The following NRG3 variants were observed in gnomAD, a reference collection of about 807,000 sequenced individuals.
NRG3 encodes neuregulin 3.
A neutral mutation model predicts 66.9 loss-of-function variants in NRG3; 31 were observed. The observed-to-expected ratio is 0.46, with a 90% CI of 0.35 to 0.63. NRG3 has a LOEUF of 0.63. NRG3 is among the 20% of genes least tolerant of loss of function. NRG3 has a pLI of 0.00. For missense variants in NRG3, 910 were observed against 878.9 expected, an observed-to-expected ratio of 1.04 and a Z score of -0.45; for synonymous variants, 393 against 359.4, an observed-to-expected ratio of 1.09 and a Z score of -1.06.
At chr10:82,242,989 C>T (rs1166075529) in intron 1 of NRG3, among the ~76,000 whole-genome samples, 1 of 152,194 alleles carries the variant, frequency 6.6e-6, no homozygotes, top group Non-Finnish European at 1.5e-5. Context: ...TCAGGTTGAA[C>T]CTACTTGATC....
chr10:82,631,026 C>T (rs1033759770), intron 2 of NRG3, among the ~76,000 whole-genome samples: 1 of 152,144 alleles, frequency 6.6e-6, no homozygotes, highest in Admixed American at 6.5e-5. Flanking sequence ...TTCAGATGAG[C>T]AAAAACAGTG....
intron 1 of NRG3, among the ~76,000 whole-genome samples, chr10:81,978,441 T>C (rs2060205778): frequency 6.6e-6 from 1 of 152,206 alleles, no homozygotes. Flanking sequence ...ACAGCTTCTT[T>C]GCTTCAAGAT....
chr10:82,711,364 TGC>T (rs1565228139), intron 2 of NRG3, among the ~76,000 whole-genome samples: 1 of 152,080 alleles, frequency 6.6e-6, no homozygotes, highest in Non-Finnish European at 1.5e-5. Context: ...TGGGAGTACA[TGC>T]ATGAGCCACT....
chr10:82,173,920 A>T (rs780720024), intron 1 of NRG3, among the ~76,000 whole-genome samples: 1 of 152,194 alleles, frequency 6.6e-6, no homozygotes, highest in East Asian at 1.9e-4. Context: ...AAGACTCTTC[A>T]TTGACTCCTC....
chr10:82,524,352 A>G (rs764078443), intron 2 of NRG3, among the ~76,000 whole-genome samples: 22 of 152,016 alleles, frequency 1.4e-4, no homozygotes, highest in Non-Finnish European at 2.9e-4. Flanking sequence ...ATACCATTAT[A>G]TGAGATACAT....
chr10:82,426,349 A>G (rs7477421), intron 2 of NRG3, among the ~76,000 whole-genome samples: 33,975 of 151,870 alleles, frequency 0.22, 5,737 homozygotes, highest in African/African-American at 0.47. Context: ...ATTTTTAATG[A>G]TTTATGACTG....
intron 5 of NRG3, among the ~76,000 whole-genome samples, chr10:82,958,681 A>T (rs371904715): frequency 6.6e-6 from 1 of 152,096 alleles, no homozygotes; most frequent in Non-Finnish European, 1.5e-5. Context: ...TCTTGCATCT[A>T]TGGGGGCCAG....
intron 2 of NRG3, among the ~76,000 whole-genome samples, chr10:82,484,024 T>A (rs2132173289): frequency 6.6e-6 from 1 of 152,370 alleles, no homozygotes; most frequent in East Asian, 1.9e-4. Flanking sequence ...ACAAGCTTTT[T>A]AAAATTGTAT....
chr10:82,404,744 A>G (rs774691231), intron 2 of NRG3, among the ~76,000 whole-genome samples: 8 of 152,166 alleles, frequency 5.3e-5, no homozygotes, highest in Non-Finnish European at 1.2e-4. Flanking sequence ...ATTACAGTTA[A>G]TCTTATGGGG....
At chr10:82,583,004 C>G (rs2046453352) in intron 2 of NRG3, among the ~76,000 whole-genome samples, 1 of 152,046 alleles carries the variant, frequency 6.6e-6, no homozygotes. Context: ...TTCAGCAAAT[C>G]AAATGACAGA....
intron 1 of NRG3, among the ~76,000 whole-genome samples, chr10:81,928,415 A>C (rs1042420869): frequency 6.6e-6 from 1 of 152,226 alleles, no homozygotes; most frequent in Admixed American, 6.5e-5. Flanking sequence ...GACCAACTAC[A>C]TTTGGGTCTT....
chr10:82,385,177 A>T (rs1030105924), intron 2 of NRG3, among the ~76,000 whole-genome samples: 2 of 151,836 alleles, frequency 1.3e-5, no homozygotes, highest in Admixed American at 6.6e-5. Context: ...TTTTCTTGCT[A>T]ATTTGTTAAG....
intron 1 of NRG3, among the ~76,000 whole-genome samples, chr10:82,057,486 C>A (rs1010177545): frequency 6.6e-6 from 1 of 151,968 alleles, no homozygotes; most frequent in African/African-American, 2.4e-5. Flanking sequence ...TTTTTAAATT[C>A]TTTTGATCTT....
chr10:81,890,796 T>C (rs1481539892), intron 1 of NRG3, among the ~76,000 whole-genome samples: 2 of 152,198 alleles, frequency 1.3e-5, no homozygotes, highest in African/African-American at 4.8e-5. Context: ...AGTGAACTCT[T>C]TATAATGACA....
At chr10:81,912,325 G>C (rs558042552) in intron 1 of NRG3, among the ~76,000 whole-genome samples, 1 of 152,250 alleles carries the variant, frequency 6.6e-6, no homozygotes, top group East Asian at 1.9e-4. Context: ...GGGCTGAAGT[G>C]ATCCTCCTGC....
intron 4 of NRG3, among the ~76,000 whole-genome samples, chr10:82,916,879 G>C (rs1430340554): frequency 1.3e-5 from 2 of 152,154 alleles, no homozygotes; most frequent in Non-Finnish European, 2.9e-5. Context: ...GCCTCCCAAA[G>C]TGCTGGGATT....
chr10:81,954,061 ATAGT>A (rs556203112), intron 1 of NRG3, among the ~76,000 whole-genome samples: 174 of 152,308 alleles, frequency 1.1e-3, no homozygotes, highest in African/African-American at 3.5e-3. Flanking sequence ...ATCTTTAAAA[ATAGT>A]TAGGCAGGTA....
At chr10:82,362,548 GTTTTT>G in intron 2 of NRG3, among the ~76,000 whole-genome samples, 1 of 83,206 alleles carries the variant, frequency 1.2e-5, no homozygotes, top group African/African-American at 5.0e-5. Context: ...TAATTTCTGG[GTTTTT>G]TTTTTTTTTT....
intron 3 of NRG3, among the ~76,000 whole-genome samples, chr10:82,750,573 G>A (rs551757530): frequency 6.6e-6 from 1 of 152,128 alleles, no homozygotes; most frequent in South Asian, 2.1e-4. Context: ...ATGGAATGAG[G>A]ACTTAACTGA....
Sources: gnomAD v4.1 joint callset for allele counts (sites outside exome capture counted in the v4.1 genomes callset) on GRCh38, gnomAD v4.1.1 for gene constraint, MANE v1.5 for transcripts, NCBI Gene and HGNC (gene_info 2026-07-23, HGNC 2026-07-21) for gene names.